Variants in UNC13C observed in about 807,000 individuals in gnomAD.
The protein encoded by UNC13C is unc-13 homolog C, also known as protein unc-13 homolog C.
A neutral mutation model predicts 245.4 loss-of-function variants in UNC13C; 174 were observed. The ratio of observed to expected loss-of-function variants is 0.71; its 90% CI spans 0.63 to 0.80. UNC13C has a LOEUF of 0.80. Among genes scored for constraint, UNC13C ranks in the 30% least tolerant of loss-of-function variants. UNC13C has a pLI of 0.00. For missense variants in UNC13C, 2,829 were observed against 2,602.9 expected, an observed-to-expected ratio of 1.09 and a Z score of -1.89; for synonymous variants, 992 against 895.1, an observed-to-expected ratio of 1.11 and a Z score of -1.93.
chr15:54,507,004 A>G (rs1275934233), intron 22 of UNC13C, 113 bp from the exon 23 acceptor site: 2 of 624,232 alleles, frequency 3.2e-6, no homozygotes, highest in Admixed American at 6.6e-5. Flanking sequence ...GGAGAAAAAA[A>G]TGTAGAACTA....
intron 30 of UNC13C, among the ~76,000 whole-genome samples, chr15:54,603,723 G>T (rs1403078152): frequency 6.6e-6 from 1 of 152,102 alleles, no homozygotes; most frequent in Non-Finnish European, 1.5e-5. Flanking sequence ...AATTAGCCAG[G>T]TGTAGTGGCA....
intron 28 of UNC13C, among the ~76,000 whole-genome samples, chr15:54,553,076 GTATTCTA>G (rs1566905715): frequency 7.2e-5 from 6 of 83,604 alleles, no homozygotes; most frequent in African/African-American, 2.7e-4. Flanking sequence ...AATATATATT[GTATTCTA>G]TATTACAATA....
intron 30 of UNC13C, among the ~76,000 whole-genome samples, chr15:54,621,618 G>T (rs1900801365): frequency 6.6e-6 from 1 of 152,070 alleles, no homozygotes; most frequent in Admixed American, 6.6e-5. Context: ...GTTCATAAAA[G>T]ATATGTTAAT....
chr15:54,364,863 A>T (rs1244265873), intron 17 of UNC13C, among the ~76,000 whole-genome samples: 1 of 152,218 alleles, frequency 6.6e-6, no homozygotes. Flanking sequence ...GAGTCTAATT[A>T]TAGTATGCTA....
chr15:54,028,003 A>C (rs1896188821), intron 2 of UNC13C, among the ~76,000 whole-genome samples: 1 of 152,038 alleles, frequency 6.6e-6, no homozygotes, highest in Non-Finnish European at 1.5e-5. Context: ...AATTGGGAGG[A>C]AGTGGTAGGA....
rs1029843971 is a variant in UNC13C at position 54,507,289 on chromosome 15, T to C, written c.5379+95T>C. The C allele has an allele frequency of 1.1e-5, 9 of 801,062 alleles. No individual in the cohort carries two copies. The African/African-American group carries it at 1.6e-4, about 14-fold the overall frequency. The allele number at this position is 801,062 out of a possible 1,614,324, so 49.6% of individuals were successfully genotyped here. ...CAAGATAAATTGTTGACTTTCAGTTTTCACATAGGATAATAAGAAATAAGG... is the reference window on the plus strand; with the variant it reads ...CAAGATAAATTGTTGACTTTCAGTTCTCACATAGGATAATAAGAAATAAGG... On this transcript the variant is annotated intron_variant, in intron 23 of 32. Transcript: ENST00000260323.
chr15:54,110,613 T>C (rs1179704989), intron 2 of UNC13C, among the ~76,000 whole-genome samples: 1 of 152,262 alleles, frequency 6.6e-6, no homozygotes, highest in African/African-American at 2.4e-5. Context: ...TTGCATGTTA[T>C]TTGAACATTA....
chr15:54,314,925 G>A (rs2037971181), intron 13 of UNC13C, among the ~76,000 whole-genome samples: 1 of 151,260 alleles, frequency 6.6e-6, no homozygotes. Context: ...GTGATATTTG[G>A]ATTATCTCCA....
intron 4 of UNC13C, among the ~76,000 whole-genome samples, chr15:54,178,320 T>C (rs1232995919): frequency 2.6e-5 from 4 of 152,258 alleles, no homozygotes; most frequent in Middle Eastern, 3.4e-3. Context: ...CTCTGCCCAA[T>C]GCAGAATAGC....
At chr15:54,060,255 TCAAA>T (rs1566982111) in intron 2 of UNC13C, among the ~76,000 whole-genome samples, 1 of 151,924 alleles carries the variant, frequency 6.6e-6, no homozygotes, top group African/African-American at 2.4e-5. Flanking sequence ...TACAATGAAC[TCAAA>T]CAAATTTAGA....
At chr15:53,859,854 TG>T in the UNC13C span, among the ~76,000 whole-genome samples, 1 of 152,144 alleles carries the variant, frequency 6.6e-6, no homozygotes, top group East Asian at 1.9e-4. Flanking sequence ...ACTCCAGGCT[TG>T]GGGGATCTGT....
intron 19 of UNC13C, among the ~76,000 whole-genome samples, chr15:54,473,570 A>G (rs1177871841): frequency 6.6e-6 from 1 of 151,676 alleles, no homozygotes; most frequent in African/African-American, 2.4e-5. Flanking sequence ...GAAATCAGCG[A>G]TTTTAGCTCC....
chr15:54,497,300 C>A (rs1893996339), intron 20 of UNC13C, among the ~76,000 whole-genome samples: 1 of 152,170 alleles, frequency 6.6e-6, no homozygotes, highest in Non-Finnish European at 1.5e-5. Context: ...TGCATCTTCT[C>A]TCCCATGTTT....
At chr15:53,876,207 G>C in the UNC13C span, among the ~76,000 whole-genome samples, 3 of 152,292 alleles carry the variant, frequency 2.0e-5, no homozygotes, top group African/African-American at 7.2e-5. Context: ...TATTTTGGCA[G>C]AATGTGGCAC....
intron 2 of UNC13C, among the ~76,000 whole-genome samples, chr15:54,079,622 T>G (rs969831100): frequency 3.9e-5 from 6 of 152,128 alleles, no homozygotes; most frequent in Non-Finnish European, 8.8e-5. Flanking sequence ...TGAGCACTAT[T>G]GGTGTATGAA....
intron 17 of UNC13C, among the ~76,000 whole-genome samples, chr15:54,365,566 T>C (rs894515956): frequency 4.6e-5 from 7 of 152,242 alleles, no homozygotes; most frequent in Admixed American, 2.0e-4. Context: ...CTAATATTCA[T>C]AAGATATCTT....
At chr15:53,999,474 C>G (rs1894787291) in intron 1 of UNC13C, among the ~76,000 whole-genome samples, 2 of 151,856 alleles carry the variant, frequency 1.3e-5, no homozygotes, top group African/African-American at 4.8e-5. Context: ...TATATTCTGT[C>G]TTTCAGTTCT....
chr15:54,626,019 A>G (rs1387382717), intron 32 of UNC13C, among the ~76,000 whole-genome samples: 1 of 152,180 alleles, frequency 6.6e-6, no homozygotes. Context: ...AAAATGTTTC[A>G]TCAGAAAAAA....
the UNC13C span, among the ~76,000 whole-genome samples, chr15:53,904,782 C>A: frequency 1.0e-3 from 152 of 152,142 alleles, 1 homozygote; most frequent in African/African-American, 3.6e-3. Flanking sequence ...GTGTTTATAC[C>A]CTGGCTCTAC....
Sources: allele counts gnomAD v4.1 joint callset (sites outside exome capture counted in the v4.1 genomes callset), GRCh38; gene constraint gnomAD v4.1.1; transcripts MANE v1.5; gene names NCBI Gene and HGNC (gene_info 2026-07-23, HGNC 2026-07-21).